The following MPPED2 variants were observed in gnomAD, a reference collection of about 807,000 sequenced individuals.
MPPED2 encodes metallophosphoesterase domain containing 2.
MPPED2 carries 5 observed loss-of-function variants against 33.0 expected under a neutral mutation model. That is an observed-to-expected ratio of 0.15 (90% CI 0.08 to 0.32). The LOEUF is 0.32. Ranked by LOEUF, MPPED2 falls within the 10% of genes least tolerant of loss-of-function variation. The pLI is 1.00. For missense variants in MPPED2, 275 were observed against 372.1 expected (o/e 0.74, Z 2.15); for synonymous variants, 136 against 141.9 (o/e 0.96, Z 0.29).
chr11:30,501,633 G>A, intron 3 of MPPED2: 1 of 980,092 alleles, frequency 1.0e-6, no homozygotes, highest in South Asian at 4.7e-5. Flanking sequence ...CATCCAGACT[G>A]TTTCTCTCAA....
intron 4 of MPPED2, among the ~76,000 whole-genome samples, chr11:30,474,826 G>T (rs186515122): frequency 1.3e-5 from 2 of 152,204 alleles, no homozygotes; most frequent in East Asian, 3.9e-4. Flanking sequence ...CCAATGTTTT[G>T]AGTCATTTTG....
chr11:30,568,269 T>C (rs1956535112), intron 2 of MPPED2, among the ~76,000 whole-genome samples: 1 of 152,184 alleles, frequency 6.6e-6, no homozygotes, highest in Non-Finnish European at 1.5e-5. Context: ...TTGGAACTTC[T>C]CAAATGACTT....
At chr11:30,543,533 C>G (rs1227602482) in intron 2 of MPPED2, among the ~76,000 whole-genome samples, 1 of 152,206 alleles carries the variant, frequency 6.6e-6, no homozygotes. Flanking sequence ...CACTCCAAAC[C>G]TGTTTTTCTC....
chr11:30,421,562 T>C (rs1394834023), intron 4 of MPPED2, among the ~76,000 whole-genome samples: 1 of 152,146 alleles, frequency 6.6e-6, no homozygotes, highest in African/African-American at 2.4e-5. Context: ...TTCACAGCAA[T>C]TTTTAAGGTA....
intron 4 of MPPED2, among the ~76,000 whole-genome samples, chr11:30,450,109 G>A (rs1033802975): frequency 1.3e-5 from 2 of 152,188 alleles, no homozygotes; most frequent in East Asian, 1.9e-4. Flanking sequence ...ATTCACAGGC[G>A]CCAGCCACAA....
intron 4 of MPPED2, among the ~76,000 whole-genome samples, chr11:30,427,372 T>C (rs1299902451): frequency 6.6e-6 from 1 of 152,248 alleles, no homozygotes; most frequent in Non-Finnish European, 1.5e-5. Flanking sequence ...GTTTCTTTTG[T>C]ATGCTATTTA....
At chr11:30,516,929 C>A (rs761525298) in intron 3 of MPPED2, among the ~76,000 whole-genome samples, 1 of 152,088 alleles carries the variant, frequency 6.6e-6, no homozygotes, top group Non-Finnish European at 1.5e-5. Flanking sequence ...CCAATGGATG[C>A]AAATGTGGAA....
At chr11:30,512,996 G>A (rs897435624) in intron 3 of MPPED2, among the ~76,000 whole-genome samples, 1 of 151,360 alleles carries the variant, frequency 6.6e-6, no homozygotes, top group Non-Finnish European at 1.5e-5. Context: ...GACAACAGAG[G>A]GAGACTCTGT....
downstream of MPPED2, among the ~76,000 whole-genome samples, chr11:30,405,751 T>C (rs1029331537): frequency 2.0e-5 from 3 of 152,222 alleles, no homozygotes; most frequent in Non-Finnish European, 4.4e-5. Context: ...ATTTTTGCCC[T>C]CTGCCCCTGC....
intron 3 of MPPED2, among the ~76,000 whole-genome samples, chr11:30,515,418 C>A (rs899276308): frequency 5.3e-5 from 8 of 152,088 alleles, no homozygotes; most frequent in Non-Finnish European, 1.0e-4. Flanking sequence ...AACTAGATTC[C>A]AGGAATCTGA....
chr11:30,506,523 A>T (rs1952837084), intron 3 of MPPED2, among the ~76,000 whole-genome samples: 1 of 152,176 alleles, frequency 6.6e-6, no homozygotes, highest in East Asian at 1.9e-4. Context: ...TTTTTCCCCC[A>T]CAAAGCCTTT....
chr11:30,530,333 C>CA (rs1342052177), intron 3 of MPPED2, among the ~76,000 whole-genome samples: 1 of 152,192 alleles, frequency 6.6e-6, no homozygotes, highest in Non-Finnish European at 1.5e-5. Flanking sequence ...TTCATCCACT[C>CA]ACTCAATGAT....
intron 4 of MPPED2, among the ~76,000 whole-genome samples, chr11:30,426,003 A>C (rs866423892): frequency 1.3e-5 from 2 of 152,180 alleles, no homozygotes; most frequent in South Asian, 2.1e-4. Flanking sequence ...CATTTTAACC[A>C]CTTTTAAGCT....
At chr11:30,525,389 T>A (rs1034572246) in intron 3 of MPPED2, among the ~76,000 whole-genome samples, 3 of 152,228 alleles carry the variant, frequency 2.0e-5, no homozygotes, top group African/African-American at 7.2e-5. Context: ...AGAACTTTTT[T>A]GTTTTCAAAG....
chr11:30,548,469 C>T (rs1955542780), intron 2 of MPPED2, among the ~76,000 whole-genome samples: 1 of 152,156 alleles, frequency 6.6e-6, no homozygotes, highest in Non-Finnish European at 1.5e-5. Context: ...ATTCTCCCAC[C>T]TTGGTCTCCC....
chr11:30,419,720 G>A (rs980689947), intron 4 of MPPED2, among the ~76,000 whole-genome samples: 3 of 152,144 alleles, frequency 2.0e-5, no homozygotes, highest in African/African-American at 7.2e-5. Context: ...TATCTAAGAA[G>A]AGGTCAGGGT....
At chr11:30,513,177 G>A (rs1320204316) in intron 3 of MPPED2, among the ~76,000 whole-genome samples, 2 of 152,150 alleles carry the variant, frequency 1.3e-5, no homozygotes, top group Non-Finnish European at 2.9e-5. Flanking sequence ...TAGCAAGGAG[G>A]GATAATGGGG....
chr11:30,423,184 C>A (rs566070054), intron 4 of MPPED2, among the ~76,000 whole-genome samples: 1 of 152,122 alleles, frequency 6.6e-6, no homozygotes, highest in Non-Finnish European at 1.5e-5. Flanking sequence ...GCAATTTACT[C>A]CCCCACAAAC....
At chr11:30,563,646 G>A (rs1255555951) in intron 2 of MPPED2, among the ~76,000 whole-genome samples, 1 of 152,212 alleles carries the variant, frequency 6.6e-6, no homozygotes, top group African/African-American at 2.4e-5. Flanking sequence ...GTTAGTAGCA[G>A]AGGCAACTCT....
Sources: gnomAD v4.1 joint callset for allele counts (sites outside exome capture counted in the v4.1 genomes callset) on GRCh38, gnomAD v4.1.1 for gene constraint, MANE v1.5 for transcripts, NCBI Gene and HGNC (gene_info 2026-07-23, HGNC 2026-07-21) for gene names.